The following C13orf46 variants were observed in gnomAD, a reference collection of about 807,000 sequenced individuals.
C13orf46 encodes the protein chromosome 13 open reading frame 46.
chr13:113,938,430 A>G, the C13orf46 span, among the ~76,000 whole-genome samples: 754 of 152,318 alleles, frequency 5.0e-3, 12 homozygotes, highest in East Asian at 0.049. Context: ...AGACGGCAGC[A>G]GCCTTGGCCC....
rs2052515079 is a variant in C13orf46, at chr13:113,955,229, CGAG to C, written c.*1541_*1543del. On this transcript the variant is annotated 3_prime_UTR_variant, in exon 7 of 7. Transcript: ENST00000636427. ...GGAGACGAGGAGCATCCCGTGGAGACGAGGAGCATCTGGCGGAGACGAGGAGCA... is the reference window on the plus strand; with the variant it reads ...GGAGACGAGGAGCATCCCGTGGAGACGAGCATCTGGCGGAGACGAGGAGCA... The C allele has an allele frequency of 1.0e-5, 1 of 99,488 alleles. No homozygotes were observed. The highest frequency in any genetic ancestry group is 1.8e-5 in the Non-Finnish European group (1 of 54,656). The allele number at this position is 99,488 out of a possible 1,614,324, so 6.2% of individuals were successfully genotyped here. A position where few individuals can be genotyped will look rare whatever the true frequency, so the allele number is the denominator to read the frequency against.
the C13orf46 span, among the ~76,000 whole-genome samples, chr13:113,938,729 G>A: frequency 2.0e-4 from 31 of 152,170 alleles, no homozygotes; most frequent in African/African-American, 3.4e-4. Context: ...CACGTCCGCC[G>A]TGAACTTTCC....
rs2052514251 is a variant in C13orf46 at position 113,955,181 on chromosome 13, G to GGTGGAGAGGAGGAGCATCCC, written c.*1572_*1591dup. ...CATCTCGAGGAGAGGAGGAGCATCT[G>GGTGGAGAGGAGGAGCATCCC]GTGGAGAGGAGGAGCATCCCGTGGA... On this transcript the variant is annotated 3_prime_UTR_variant, in exon 7 of 7. Coordinates refer to ENST00000636427, the MANE Select transcript of C13orf46 (RefSeq NM_001365455.2). The GGTGGAGAGGAGGAGCATCCC allele has an allele frequency of 4.9e-6, 1 of 205,610 alleles. No individual in the cohort carries two copies. Among genetic ancestry groups the GGTGGAGAGGAGGAGCATCCC allele is most frequent in the Non-Finnish European group, 9.5e-6 (1 of 104,934 alleles). The allele number at this position is 205,610 out of a possible 1,614,324, so 12.7% of individuals were successfully genotyped here.
At chr13:113,942,621 C>T in the C13orf46 span, among the ~76,000 whole-genome samples, 1 of 152,180 alleles carries the variant, frequency 6.6e-6, no homozygotes, top group Non-Finnish European at 1.5e-5. Context: ...AAAATCCATG[C>T]CCAGCCCCCA....
chr13:113,941,520 G>C, the C13orf46 span, among the ~76,000 whole-genome samples: 1 of 152,028 alleles, frequency 6.6e-6, no homozygotes, highest in Non-Finnish European at 1.5e-5. Context: ...TCTCCTCTGG[G>C]ACTCCATGTG....
chr13:113,959,404 G>A (rs1487580978), intron 6 of C13orf46, among the ~76,000 whole-genome samples: 1 of 152,180 alleles, frequency 6.6e-6, no homozygotes, highest in Non-Finnish European at 1.5e-5. Context: ...TGTCTGATTG[G>A]CTAGGATGTG....
the C13orf46 span, among the ~76,000 whole-genome samples, chr13:113,942,524 T>C: frequency 1.3e-5 from 2 of 151,972 alleles, no homozygotes; most frequent in African/African-American, 4.8e-5. Context: ...ACACATCAGC[T>C]CAGGAGCCAC....
downstream of C13orf46, among the ~76,000 whole-genome samples, chr13:113,949,591 G>A (rs2138961373): frequency 6.6e-6 from 1 of 152,344 alleles, no homozygotes; most frequent in Non-Finnish European, 1.5e-5. Context: ...GATTTACAAA[G>A]ACAAAGGGCA....
At chr13:113,952,052 G>A (rs1224517817), downstream of C13orf46, among the ~76,000 whole-genome samples, 3 of 152,302 alleles carry the variant, frequency 2.0e-5, no homozygotes, top group East Asian at 1.9e-4. Context: ...CGATTGTTCC[G>A]ACAGCCCCCA....
chr13:113,927,263 T>G, the C13orf46 span: 17,848 of 327,194 alleles, frequency 0.055, 582 homozygotes, highest in African/African-American at 0.099. Context: ...AACTCTCAGC[T>G]AGGGGCTAAG....
At chr13:113,929,210 G>C in the C13orf46 span, among the ~76,000 whole-genome samples, 2 of 152,244 alleles carry the variant, frequency 1.3e-5, no homozygotes, top group Admixed American at 6.5e-5. Context: ...TACTCTCCCT[G>C]AGCTGATGTC....
rs2052602898 is a variant in C13orf46 at position 113,963,246 on chromosome 13, GCCCCT to G, written c.572+1676_572+1680del. Reference sequence around the variant, plus strand: ...AGCCTCGGCCCCTGTCCTCAGCCTCGCCCCTGTCCTCAGCCTCGGCCCTGTCCTCA... The same window carrying G: ...AGCCTCGGCCCCTGTCCTCAGCCTCGGTCCTCAGCCTCGGCCCTGTCCTCA... On this transcript the variant is annotated intron_variant, in intron 6 of 6. Coordinates refer to ENST00000636427, the MANE Select transcript of C13orf46 (RefSeq NM_001365455.2). Among the ~76,000 whole-genome samples, 68 of 99,512 alleles carry G rather than the reference GCCCCT, an allele frequency of 6.8e-4. 12 individuals are homozygous for G. The highest frequency in any genetic ancestry group is 7.8e-3 in the Middle Eastern group (1 of 128). 65.3% of individuals were successfully genotyped at this position (99,512 alleles called of 152,430 possible).
chr13:113,971,397 C>T (rs1279709586), intron 1 of C13orf46, among the ~76,000 whole-genome samples: 3 of 152,220 alleles, frequency 2.0e-5, no homozygotes, highest in Admixed American at 6.5e-5. Flanking sequence ...TGGCCGACCA[C>T]GAGGGGCTGC....
At position 113,968,517 on chromosome 13, in the gene C13orf46, G is replaced by C. The variant is rs2052672211; in HGVS notation, c.409-3C>G. The C allele has an allele frequency of 6.6e-6, 1 of 152,288 alleles. No individual in the cohort carries two copies. The highest frequency in any genetic ancestry group is 1.5e-5 in the Non-Finnish European group (1 of 68,066). The allele number at this position is 152,288 out of a possible 1,614,324, so 9.4% of individuals were successfully genotyped here. A position where few individuals can be genotyped will look rare whatever the true frequency, so the allele number is the denominator to read the frequency against. ...TTTATGGACTCTGCCTCCTGTTCCT[G>C]TAAGACCAAAGAGGTTAAGTGAAGG... On this transcript the variant is annotated splice_polypyrimidine_tract_variant and splice_region_variant and intron_variant, in intron 3 of 6. Coordinates refer to ENST00000636427, the MANE Select transcript of C13orf46 (RefSeq NM_001365455.2).
chr13:113,972,412 C>T (rs1405497164), intron 1 of C13orf46, among the ~76,000 whole-genome samples: 1 of 152,218 alleles, frequency 6.6e-6, no homozygotes, highest in Non-Finnish European at 1.5e-5. Context: ...CTTGAGCAAG[C>T]AAACCCCGAG....
intron 6 of C13orf46, among the ~76,000 whole-genome samples, chr13:113,963,905 C>G (rs1313070845): frequency 4.6e-5 from 7 of 152,222 alleles, no homozygotes; most frequent in Non-Finnish European, 1.0e-4. Context: ...GGCTGGAGTG[C>G]AGTGGTGCTA....
chr13:113,945,557 GAA>G, the C13orf46 span, among the ~76,000 whole-genome samples: 11,023 of 116,162 alleles, frequency 0.095, 828 homozygotes, highest in Non-Finnish European at 0.13. Context: ...AAGAAAGAAA[GAA>G]AGAAAGAAAG....
chr13:113,961,341 C>T (rs987279897), intron 6 of C13orf46, among the ~76,000 whole-genome samples: 151,152 of 151,968 alleles, frequency 0.99, 75,173 homozygotes, highest in Middle Eastern at 1. Flanking sequence ...CAATTGTAAA[C>T]TATATTTGTA....
At chr13:113,949,984 T>C (rs2052482570), downstream of C13orf46, among the ~76,000 whole-genome samples, 1 of 149,376 alleles carries the variant, frequency 6.7e-6, no homozygotes, top group Non-Finnish European at 1.5e-5. Flanking sequence ...AGTGCTTCCA[T>C]CTGTAGAGTG....
Sources: gnomAD v4.1 joint callset for allele counts (sites outside exome capture counted in the v4.1 genomes callset) on GRCh38, gnomAD v4.1.1 for gene constraint, MANE v1.5 for transcripts, NCBI Gene and HGNC (gene_info 2026-07-23, HGNC 2026-07-21) for gene names.